GPR89B: variants seen among roughly 807,000 people sequenced by gnomAD.
The protein encoded by GPR89B is golgi pH regulator B.
A neutral mutation model predicts 52.4 loss-of-function variants in GPR89B; 25 were observed. The ratio of observed to expected loss-of-function variants is 0.48; its 90% confidence interval spans 0.35 to 0.67. The LOEUF is 0.67. Among genes scored for constraint, GPR89B ranks in the 30% least tolerant of loss-of-function variants. The pLI, the probability that GPR89B is intolerant of heterozygous loss-of-function variation, is 0.01. For synonymous variants in GPR89B, 52 were observed against 151.2 expected (o/e 0.34, Z 4.81); for missense variants, 146 against 450.2 (o/e 0.32, Z 6.11).
Position 147,972,197 on chromosome 1 carries a change from C to T in GPR89B, c.909+2238C>T, listed in dbSNP as rs1367431824. On this transcript the variant is annotated intron_variant, in intron 10 of 13. Coordinates refer to ENST00000314163, the MANE Select transcript of GPR89B (RefSeq NM_016334.5). Reference sequence around the variant, plus strand: ...CTGAGTAGTGTTTCCGTGGTTTGGACGTGCCACAATTTTGTTTGTCCATTC... The same window carrying T: ...CTGAGTAGTGTTTCCGTGGTTTGGATGTGCCACAATTTTGTTTGTCCATTC... Among the ~76,000 whole-genome samples, 104 of 149,412 alleles carry T rather than the reference C, an allele frequency of 7.0e-4. 2 individuals are homozygous for T. The highest frequency in any genetic ancestry group is 2.3e-3 in the African/African-American group (93 of 40,482).
At chr1:147,955,341 TG>T (rs1358292895) in intron 7 of GPR89B, among the ~76,000 whole-genome samples, 3 of 152,088 alleles carry the variant, frequency 2.0e-5, no homozygotes, top group African/African-American at 7.3e-5. Context: ...ACTTGGCTGT[TG>T]TAAATAATAC....
intron 5 of GPR89B, among the ~76,000 whole-genome samples, chr1:147,952,697 T>C (rs1310024905): frequency 6.6e-6 from 1 of 152,022 alleles, no homozygotes; most frequent in Non-Finnish European, 1.5e-5. Flanking sequence ...TTATCCCAAA[T>C]ACATCAACCA....
chr1:147,991,717 G>A (rs1484251056), intron 12 of GPR89B, among the ~76,000 whole-genome samples: 1 of 152,126 alleles, frequency 6.6e-6, no homozygotes, highest in Non-Finnish European at 1.5e-5. Context: ...TGTGGTTTTT[G>A]TCTTTGGTTC....
the GPR89B span, among the ~76,000 whole-genome samples, chr1:148,020,619 A>G: frequency 6.6e-6 from 1 of 151,434 alleles, no homozygotes; most frequent in Non-Finnish European, 1.5e-5. Context: ...AAAGGAGGGG[A>G]AGGGGGGAAC....
intron 7 of GPR89B, among the ~76,000 whole-genome samples, chr1:147,955,651 G>T (rs2149061720): frequency 1.3e-5 from 2 of 151,588 alleles, no homozygotes. Context: ...ATTCCTTAAT[G>T]GCTAGTATGT....
At chr1:147,951,311 A>T (rs1553251014) in intron 5 of GPR89B, among the ~76,000 whole-genome samples, 1 of 152,128 alleles carries the variant, frequency 6.6e-6, no homozygotes, top group African/African-American at 2.4e-5. Context: ...GTGCCTAGTC[A>T]TAGCAGGTGC....
At chr1:147,929,697 A>G (rs1348636451) in intron 1 of GPR89B, among the ~76,000 whole-genome samples, 1 of 152,184 alleles carries the variant, frequency 6.6e-6, no homozygotes, top group African/African-American at 2.4e-5. Context: ...AGAGCGGAGC[A>G]TTGTCCTTTT....
chr1:148,012,601 CAT>C, the GPR89B span, among the ~76,000 whole-genome samples: 1 of 150,774 alleles, frequency 6.6e-6, no homozygotes, highest in Non-Finnish European at 1.5e-5. Flanking sequence ...AGAACACTGA[CAT>C]ATAGTTACAC....
intron 5 of GPR89B, among the ~76,000 whole-genome samples, chr1:147,948,038 T>C (rs186456220): frequency 5.9e-5 from 9 of 152,338 alleles, no homozygotes; most frequent in Admixed American, 4.6e-4. Flanking sequence ...TTTATAGTCT[T>C]GTGGGTGGAA....
At chr1:147,998,091 G>A (rs1659358687), downstream of GPR89B, among the ~76,000 whole-genome samples, 1 of 151,104 alleles carries the variant, frequency 6.6e-6, no homozygotes, top group Non-Finnish European at 1.5e-5. Context: ...AGAATTACAA[G>A]CCTAACTGGC....
the GPR89B span, among the ~76,000 whole-genome samples, chr1:148,023,169 A>C: frequency 6.7e-6 from 1 of 149,432 alleles, no homozygotes; most frequent in Non-Finnish European, 1.5e-5. Flanking sequence ...TTTAGGTCCC[A>C]TTCCTAAGTG....
intron 5 of GPR89B, among the ~76,000 whole-genome samples, chr1:147,947,333 CAA>C (rs1167267658): frequency 2.7e-4 from 20 of 73,560 alleles, no homozygotes; most frequent in Admixed American, 3.3e-4. Flanking sequence ...GCGAGACTCT[CAA>C]AAAAAAAAAA....
intron 7 of GPR89B, among the ~76,000 whole-genome samples, chr1:147,958,588 C>T (rs1329285220): frequency 4.2e-5 from 6 of 143,888 alleles, no homozygotes; most frequent in East Asian, 4.0e-4. Context: ...TGCAGTGAGC[C>T]GAGATTACAC....
Position 147,928,439 on chromosome 1 carries a change from C to T in GPR89B, c.-98C>T. ...AGAGCCGCAGTCCCGGCTGCAGCACCTGGGAGAAGGCAGACCGTGTGAGGG... is the reference window on the plus strand; with the variant it reads ...AGAGCCGCAGTCCCGGCTGCAGCACTTGGGAGAAGGCAGACCGTGTGAGGG... On this transcript the variant is annotated 5_prime_UTR_variant, in exon 1 of 14. Transcript: ENST00000314163. The T allele has an allele frequency of 1.4e-6, 2 of 1,465,744 alleles. No individual in the cohort carries two copies. The highest frequency in any genetic ancestry group is 1.8e-5 in the Admixed American group (1 of 55,684). The allele number at this position is 1,465,744 out of a possible 1,614,324, so 90.8% of individuals were successfully genotyped here.
At chr1:148,002,028 C>T in the GPR89B span, among the ~76,000 whole-genome samples, 2 of 149,278 alleles carry the variant, frequency 1.3e-5, no homozygotes, top group Non-Finnish European at 3.0e-5. Flanking sequence ...GGTATCTTCA[C>T]CAGATGCTGC....
chr1:147,990,361 TA>T (rs1196590960), intron 12 of GPR89B, among the ~76,000 whole-genome samples: 1 of 152,208 alleles, frequency 6.6e-6, no homozygotes, highest in Non-Finnish European at 1.5e-5. Context: ...CTTTGTCAGA[TA>T]AGTAGATTGC....
downstream of GPR89B, among the ~76,000 whole-genome samples, chr1:147,997,418 T>C (rs1323397517): frequency 6.6e-6 from 1 of 152,174 alleles, no homozygotes; most frequent in Non-Finnish European, 1.5e-5. Context: ...CTCCTGTGCT[T>C]GGACATCAGA....
At chr1:147,971,300 C>T (rs1345524986) in intron 10 of GPR89B, among the ~76,000 whole-genome samples, 2 of 151,388 alleles carry the variant, frequency 1.3e-5, no homozygotes, top group African/African-American at 4.9e-5. Context: ...CAAGCACGCA[C>T]CGCCACGCCC....
At chr1:147,995,198 C>A (rs1198327108), downstream of GPR89B, among the ~76,000 whole-genome samples, 3 of 150,680 alleles carry the variant, frequency 2.0e-5, no homozygotes, top group African/African-American at 7.3e-5. Flanking sequence ...TGATAACAAT[C>A]CTACAAATTA....
Sources: gnomAD v4.1 joint callset for allele counts (sites outside exome capture counted in the v4.1 genomes callset) on GRCh38, gnomAD v4.1.1 for gene constraint, MANE v1.5 for transcripts, NCBI Gene and HGNC (gene_info 2026-07-23, HGNC 2026-07-21) for gene names.